The following TDP1 variants were observed in gnomAD, a reference collection of about 807,000 sequenced individuals.
TDP1 encodes tyr-DNA phosphodiesterase 1.
A neutral mutation model predicts 81.5 loss-of-function variants in TDP1; 64 were observed. That is an observed-to-expected ratio of 0.79 (90% CI 0.64 to 0.97). TDP1 has a LOEUF of 0.97. TDP1 is among the 50% of genes least tolerant of loss of function. The pLI, the probability that TDP1 is intolerant of heterozygous loss-of-function variation, is 0.00. For missense variants in TDP1, 723 were observed against 743.8 expected (o/e 0.97, Z 0.33); for synonymous variants, 256 against 264.3 (o/e 0.97, Z 0.30).
At chr14:90,000,638 G>GC (rs1439508051) in intron 14 of TDP1, among the ~76,000 whole-genome samples, 2 of 152,096 alleles carry the variant, frequency 1.3e-5, no homozygotes, top group African/African-American at 4.8e-5. Flanking sequence ...GCCCACCTCG[G>GC]CCCCCCAAAG....
At chr14:89,993,617 G>A in intron 14 of TDP1, 134 bp downstream of exon 14, 1 of 1,419,802 alleles carries the variant, frequency 7.0e-7, no homozygotes, top group South Asian at 1.3e-5. Context: ...TGTTACATGA[G>A]CCTTATTTAA....
At chr14:90,019,515 C>T in intron 15 of TDP1, 97 bp downstream of exon 15, 2 of 750,302 alleles carry the variant, frequency 2.7e-6, no homozygotes, top group Non-Finnish European at 4.8e-6. Flanking sequence ...CTAAGGTAGG[C>T]AGGAAACAGT....
intron 14 of TDP1, among the ~76,000 whole-genome samples, chr14:90,016,362 T>G (rs1885311081): frequency 6.6e-6 from 1 of 152,154 alleles, no homozygotes; most frequent in Non-Finnish European, 1.5e-5. Flanking sequence ...GCCATTTTTA[T>G]AACTCATGCG....
chr14:89,975,788 T>G lies in TDP1; in HGVS notation c.764T>G (p.Leu255Trp), dbSNP rs151271332. ...YENISLCQAK[L>W]DIAFGTHHTK... ...ACTTCTTTTTCATCCTAGGCAAAGT[T>G]GGATATTGCGTTTGGAACACACCAC... is the stretch of plus-strand genomic sequence containing the variant. The change falls in exon 7 of 17, where the codon TTG becomes TGG. Residue 255 changes from leucine (L) to tryptophan (W), a missense_variant. By Grantham distance (61) the Leu-to-Trp change is moderately conservative. Transcript: ENST00000335725. The G allele has an allele frequency of 7.4e-5, 119 of 1,612,920 alleles. No homozygotes were observed. Among genetic ancestry groups the G allele is most frequent in the Non-Finnish European group, 9.6e-5 (113 of 1,179,014 alleles).
rs1476024539 is a variant in TDP1, at chr14:90,010,980, CAT to C, written c.1542-8335_1542-8334del. 3.9e-5 allele frequency among the ~76,000 whole-genome samples: 6 copies of C among 152,170 alleles called. No individual in the cohort carries two copies. In the East Asian group the frequency reaches 7.7e-4, roughly 20 times the overall value. On this transcript the variant is annotated intron_variant, in intron 14 of 16. Transcript: ENST00000335725. ...TGAATTGTAGCACCCATAATCCCCA[CAT>C]GTTGTGGAAGGGACCTGGTGGGAGG...
intron 7 of TDP1, among the ~76,000 whole-genome samples, chr14:89,979,122 T>G (rs1216635924): frequency 6.6e-6 from 1 of 152,072 alleles, no homozygotes; most frequent in African/African-American, 2.4e-5. Context: ...ATAAAATAAG[T>G]CAAGACAGAG....
chr14:89,976,554 T>TTTTTTTTTTTTTTTTTTTTG (rs1566862561), intron 7 of TDP1, among the ~76,000 whole-genome samples: 1 of 141,746 alleles, frequency 7.1e-6, no homozygotes, highest in African/African-American at 2.7e-5. Context: ...TTTTTTTTTT[T>TTTTTTTTTTTTTTTTTTTTG]TAGACAGAGT....
At chr14:90,021,303 C>G (rs1886065715) in intron 15 of TDP1, among the ~76,000 whole-genome samples, 1 of 152,188 alleles carries the variant, frequency 6.6e-6, no homozygotes, top group African/African-American at 2.4e-5. Context: ...TATCATACAG[C>G]TTGTGGGAAA....
rs529991857 is a variant in TDP1, at chr14:90,033,390, G to C, written c.1753+176G>C. 9 of 685,920 alleles carry C rather than the reference G, an allele frequency of 1.3e-5. No individual in the cohort carries two copies. The East Asian group carries it at 2.5e-4, about 19-fold the overall frequency. 42.5% of individuals were successfully genotyped at this position (685,920 alleles called of 1,614,324 possible). On this transcript the variant is annotated intron_variant, in intron 16 of 16. Transcript: ENST00000335725. ...GCCTTGTAGCCACTGGTTAGTCTTG[G>C]AATCCCTTTGCACTCCTATAATTAC... is the stretch of plus-strand genomic sequence containing the variant.
intron 12 of TDP1, among the ~76,000 whole-genome samples, chr14:89,991,175 T>C (rs1896136668): frequency 6.6e-6 from 1 of 152,178 alleles, no homozygotes; most frequent in Non-Finnish European, 1.5e-5. Flanking sequence ...GCTGTCCAGC[T>C]GTGTCTTATT....
intron 15 of TDP1, among the ~76,000 whole-genome samples, chr14:90,029,224 G>GT (rs1253168403): frequency 7.2e-6 from 1 of 139,232 alleles, no homozygotes; most frequent in African/African-American, 2.8e-5. Context: ...TTGAGACAGA[G>GT]TCTCGCTTTG....
chr14:89,980,278 G>A, intron 7 of TDP1: 1 of 985,444 alleles, frequency 1.0e-6, no homozygotes, highest in Non-Finnish European at 1.2e-6. Flanking sequence ...CCAGGCTGGA[G>A]GGATGTGAAG....
chr14:89,987,827 G>T (rs1895738214), intron 10 of TDP1, among the ~76,000 whole-genome samples: 1 of 152,198 alleles, frequency 6.6e-6, no homozygotes, highest in Admixed American at 6.5e-5. Context: ...TAAGTAGGAA[G>T]TGGGGAAGGA....
intron 7 of TDP1, among the ~76,000 whole-genome samples, chr14:89,976,084 ATTTATTC>A (rs1468071934): frequency 1.3e-5 from 2 of 152,188 alleles, no homozygotes; most frequent in African/African-American, 4.8e-5. Flanking sequence ...AATAGAACCT[ATTTATTC>A]TAACTTTAAT....
chr14:89,993,927 C>T (rs543542421), intron 14 of TDP1, among the ~76,000 whole-genome samples: 1 of 152,068 alleles, frequency 6.6e-6, no homozygotes, highest in African/African-American at 2.4e-5. Context: ...AAAATCTGCC[C>T]ATTAAGTCTC....
chr14:89,990,430 T>C (rs8010627), intron 12 of TDP1, among the ~76,000 whole-genome samples: 31,738 of 152,070 alleles, frequency 0.21, 7,579 homozygotes, highest in African/African-American at 0.59. Context: ...TTGGCATTTG[T>C]TGATGGCTGA....
chr14:90,033,151 C>T lies in TDP1; in HGVS notation c.1690C>T (p.Gln564Ter). The change falls in exon 16 of 17, where the codon CAG becomes TAG. Residue 564 changes from glutamine to a stop codon, truncating the protein, a stop_gained. Transcript: ENST00000335725. LOFTEE classifies it high-confidence loss of function. ...KVKQKFFAGS[Q>*]EPMATFPVPY... ...GAAACAGAAGTTCTTCGCTGGCAGC[C>T]AGGAGCCAATGGCCACCTTTCCTGT... The T allele has an allele frequency of 6.2e-7, 1 of 1,613,668 alleles. No individual in the cohort carries two copies. The highest frequency in any genetic ancestry group is 1.3e-5 in the African/African-American group (1 of 74,976).
chr14:89,963,773 T>A, intron 3 of TDP1, 100 bp downstream of exon 3: 1 of 1,368,710 alleles, frequency 7.3e-7, no homozygotes. Flanking sequence ...TGAGAACTCT[T>A]CTTTGTGTTC....
chr14:89,991,497 C>G, intron 12 of TDP1: 1 of 929,418 alleles, frequency 1.1e-6, no homozygotes, highest in Non-Finnish European at 1.3e-6. Flanking sequence ...TCCTTACATT[C>G]CTGATGGGAG....
Sources: allele counts gnomAD v4.1 joint callset (sites outside exome capture counted in the v4.1 genomes callset), GRCh38; gene constraint gnomAD v4.1.1; transcripts MANE v1.5; gene names NCBI Gene and HGNC (gene_info 2026-07-23, HGNC 2026-07-21).